The following TGFBR3 variants were observed in gnomAD, a reference collection of about 807,000 sequenced individuals.
TGFBR3 encodes the protein transforming growth factor beta receptor 3.
A neutral mutation model predicts 87.9 loss-of-function variants in TGFBR3; 46 were observed. The ratio of observed to expected loss-of-function variants is 0.52; its 90% CI spans 0.41 to 0.67. The LOEUF (loss-of-function observed/expected upper bound fraction) is 0.67. Ranked by LOEUF, TGFBR3 falls within the 30% of genes least tolerant of loss-of-function variation. The pLI is 0.00. For synonymous variants in TGFBR3, 381 were observed against 391.6 expected, an observed-to-expected ratio of 0.97 and a Z score of 0.32; for missense variants, 866 against 1,041.9, an observed-to-expected ratio of 0.83 and a Z score of 2.32.
chr1:91,873,052 C>T (rs772669708), intron 1 of TGFBR3, among the ~76,000 whole-genome samples: 5 of 152,052 alleles, frequency 3.3e-5, no homozygotes, highest in Non-Finnish European at 7.4e-5. Context: ...CAGCCTCGAA[C>T]TCCTTGGCTC....
intron 1 of TGFBR3, among the ~76,000 whole-genome samples, chr1:91,873,650 G>A (rs1465467536): frequency 6.6e-6 from 1 of 152,072 alleles, no homozygotes; most frequent in Non-Finnish European, 1.5e-5. Context: ...GGGGCTATAA[G>A]AAATCCATAA....
intron 8 of TGFBR3, 123 bp downstream of exon 8, chr1:91,721,832 T>C: frequency 2.3e-6 from 2 of 878,236 alleles, no homozygotes; most frequent in Non-Finnish European, 3.4e-6. Context: ...TGATAAAAAG[T>C]AGTCAAATTA....
Position 91,704,789 on chromosome 1 carries a change from C to T in TGFBR3, c.2287+3874G>A, listed in dbSNP as rs539617896. On this transcript the variant is annotated intron_variant, in intron 14 of 16. Transcript: ENST00000212355. ...AGATCAAAAGTGGCAAAGATGTGCT[C>T]AGGAAGGTTCCATTAAAAACAGTGG... Among the ~76,000 whole-genome samples the T allele has an allele frequency of 3.9e-4, 60 of 152,324 alleles. No homozygotes were observed. The South Asian group carries it at 0.012, about 32-fold the overall frequency.
At chr1:91,846,104 G>C (rs1246347388) in intron 2 of TGFBR3, among the ~76,000 whole-genome samples, 1 of 151,998 alleles carries the variant, frequency 6.6e-6, no homozygotes, top group Non-Finnish European at 1.5e-5. Flanking sequence ...TGGCAGTTTA[G>C]AAAACAATAT....
intron 2 of TGFBR3, among the ~76,000 whole-genome samples, chr1:91,800,604 T>G (rs1369671274): frequency 6.6e-6 from 1 of 151,988 alleles, no homozygotes; most frequent in East Asian, 1.9e-4. Context: ...TAGAGTAGTA[T>G]TTGGTTTTCG....
At chr1:91,867,306 G>A (rs1678423238) in intron 1 of TGFBR3, among the ~76,000 whole-genome samples, 1 of 152,208 alleles carries the variant, frequency 6.6e-6, no homozygotes, top group Admixed American at 6.5e-5. Context: ...AGTACGCACA[G>A]ATGGTACGAG....
intron 2 of TGFBR3, among the ~76,000 whole-genome samples, chr1:91,806,820 G>C (rs906956203): frequency 6.6e-6 from 1 of 152,212 alleles, no homozygotes; most frequent in Non-Finnish European, 1.5e-5. Context: ...CAGCTGCAAA[G>C]AGGGACAAAC....
At chr1:91,806,933 C>G (rs1675857108) in intron 2 of TGFBR3, among the ~76,000 whole-genome samples, 2 of 152,182 alleles carry the variant, frequency 1.3e-5, no homozygotes, top group African/African-American at 4.8e-5. Flanking sequence ...AAAGGGCACC[C>G]AGGATGATTT....
intron 1 of TGFBR3, among the ~76,000 whole-genome samples, chr1:91,865,580 C>T (rs1225019527): frequency 2.6e-5 from 4 of 152,274 alleles, no homozygotes; most frequent in African/African-American, 4.8e-5. Flanking sequence ...CTTTGATGAA[C>T]TGAAGAACAC....
At chr1:91,871,819 C>T (rs1678591811) in intron 1 of TGFBR3, among the ~76,000 whole-genome samples, 1 of 152,120 alleles carries the variant, frequency 6.6e-6, no homozygotes, top group Admixed American at 6.6e-5. Context: ...CCCCCACCTG[C>T]CTTTTCTAAG....
At chr1:91,754,027 T>C (rs1480740078) in intron 4 of TGFBR3, among the ~76,000 whole-genome samples, 1 of 152,254 alleles carries the variant, frequency 6.6e-6, no homozygotes, top group Non-Finnish European at 1.5e-5. Context: ...ACCCTTGTTA[T>C]CGCCTTTTTT....
At chr1:91,713,094 G>A (rs776799080) in intron 12 of TGFBR3, among the ~76,000 whole-genome samples, 7 of 152,200 alleles carry the variant, frequency 4.6e-5, no homozygotes, top group Non-Finnish European at 7.3e-5. Context: ...TGGCTCCGGC[G>A]CTGGGTGTCA....
At chr1:91,790,910 C>G (rs941247584) in intron 3 of TGFBR3, among the ~76,000 whole-genome samples, 5 of 152,106 alleles carry the variant, frequency 3.3e-5, no homozygotes, top group African/African-American at 1.2e-4. Flanking sequence ...ACCCACTCCT[C>G]CCCAAGCACT....
chr1:91,820,896 G>A (rs1676425327), intron 2 of TGFBR3, among the ~76,000 whole-genome samples: 1 of 152,138 alleles, frequency 6.6e-6, no homozygotes, highest in Non-Finnish European at 1.5e-5. Flanking sequence ...AGGATTAAAT[G>A]GATAACTCTA....
intron 2 of TGFBR3, among the ~76,000 whole-genome samples, chr1:91,849,601 G>A (rs934930554): frequency 1.3e-5 from 2 of 152,158 alleles, no homozygotes; most frequent in African/African-American, 4.8e-5. Context: ...CGAACCTGCT[G>A]ATATATGCAT....
chr1:91,861,857 CTTTTTTT>C lies in TGFBR3; in HGVS notation c.-113-220_-113-214del, dbSNP rs11414154. 1,764 of 248,932 alleles carry C rather than the reference CTTTTTTT, an allele frequency of 7.1e-3. 40 individuals carry two copies. The highest frequency in any genetic ancestry group is 0.041 in the African/African-American group (1,601 of 38,742). The allele number at this position is 248,932 out of a possible 1,614,324, so 15.4% of individuals were successfully genotyped here. ...TTGCAAATGACATATTTGTTATTGG[CTTTTTTT>C]TTTTTTTTTTGAGATAGAGTCTCTC... is the stretch of plus-strand genomic sequence containing the variant. On this transcript the variant is annotated intron_variant, in intron 1 of 16. Transcript: ENST00000212355.
intron 3 of TGFBR3, among the ~76,000 whole-genome samples, chr1:91,790,677 A>T (rs1675154049): frequency 1.3e-5 from 2 of 152,242 alleles, no homozygotes. Flanking sequence ...TACATACCAC[A>T]TAAAAGGTAT....
Position 91,728,515 on chromosome 1 carries a change from AC to A in TGFBR3, c.738-710del, listed in dbSNP as rs571050255. On this transcript the variant is annotated intron_variant, in intron 6 of 16. Coordinates refer to ENST00000212355, the MANE Select transcript of TGFBR3 (RefSeq NM_003243.5). ...CGTAAAAAAGAGAATTTTTTACTAA[AC>A]AATAACATCCCTGTCATTCTGAATT... 1.3e-3 allele frequency among the ~76,000 whole-genome samples: 197 copies of A among 152,320 alleles called. 1 individual carries two copies. The highest frequency in any genetic ancestry group is 4.6e-3 in the African/African-American group (192 of 41,562).
At chr1:91,713,659 T>C (rs1279159747) in intron 12 of TGFBR3, among the ~76,000 whole-genome samples, 1 of 152,200 alleles carries the variant, frequency 6.6e-6, no homozygotes, top group Non-Finnish European at 1.5e-5. Context: ...TTGTGAAAGA[T>C]TCCTACGTGG....
Sources: allele counts gnomAD v4.1 joint callset (sites outside exome capture counted in the v4.1 genomes callset), GRCh38; gene constraint gnomAD v4.1.1; transcripts MANE v1.5; gene names NCBI Gene and HGNC (gene_info 2026-07-23, HGNC 2026-07-21).